The following DCTN1 variants were observed in gnomAD, a reference collection of about 807,000 sequenced individuals.
DCTN1 encodes 150 kDa dynein-associated polypeptide.
Under a neutral mutation model 161.2 loss-of-function variants are expected in DCTN1, and 61 were observed. That is an observed-to-expected ratio of 0.38 (90% CI 0.31 to 0.47). The LOEUF is 0.47. Among genes scored for constraint, DCTN1 ranks in the 20% least tolerant of loss-of-function variants. DCTN1 has a pLI of 0.99. For missense variants in DCTN1, 1,404 were observed against 1,623.7 expected (o/e 0.86, Z 2.33); for synonymous variants, 653 against 632.4 (o/e 1.03, Z -0.49).
Position 74,372,416 on chromosome 2 carries a change from G to A in DCTN1, c.453+512C>T, listed in dbSNP as rs1242247611. On this transcript the variant is annotated intron_variant, in intron 7 of 31. Coordinates refer to ENST00000628224, the MANE Select transcript of DCTN1 (RefSeq NM_004082.5). ...ATGCCCCTGTGGGGCAGGGGAGAAG[G>A]TGGGCAGAGGAGCTGACCTGAAGTT... is the stretch of plus-strand genomic sequence containing the variant. Among the ~76,000 whole-genome samples the A allele has an allele frequency of 2.6e-5, 4 of 152,230 alleles. No individual in the cohort carries two copies. In the East Asian group the frequency reaches 5.8e-4, roughly 22 times the overall value.
chr2:74,382,860 CAGG>C (rs1227916230), upstream of DCTN1, among the ~76,000 whole-genome samples: 4 of 151,690 alleles, frequency 2.6e-5, no homozygotes, highest in South Asian at 4.1e-4. Flanking sequence ...ATCATGAGGT[CAGG>C]AGATCGAGAC....
intron 6 of DCTN1, 93 bp downstream of exon 6, chr2:74,374,230 G>A (rs1273797419): frequency 7.2e-7 from 1 of 1,386,430 alleles, no homozygotes; most frequent in East Asian, 2.3e-5. Context: ...CAGGTAGACA[G>A]ATGAAGTCAA....
Position 74,380,173 on chromosome 2 carries a change from C to T in DCTN1, c.-136G>A. On this transcript the variant is annotated 5_prime_UTR_variant, in exon 1 of 32. Transcript: ENST00000628224. ...GTCGTCAGGCACAGCCCTCCCCAGT[C>T]CATGGGCCTCACTCGGTGGCCTACA... 3.3e-6 allele frequency: 3 copies of T among 915,284 alleles called. No homozygotes were observed. The highest frequency in any genetic ancestry group is 2.4e-4 in the Middle Eastern group (1 of 4,222). The allele number at this position is 915,284 out of a possible 1,614,324, so 56.7% of individuals were successfully genotyped here. A position where few individuals can be genotyped will look rare whatever the true frequency, so the allele number is the denominator to read the frequency against.
intron 25 of DCTN1, 53 bp from the exon 26 acceptor site, chr2:74,365,294 G>T: frequency 6.2e-7 from 1 of 1,607,494 alleles, no homozygotes; most frequent in Non-Finnish European, 8.5e-7. Context: ...AGCACTCCTT[G>T]ACTATTCAGT....
At chr2:74,381,996 GACAC>G (rs1274076158), upstream of DCTN1, among the ~76,000 whole-genome samples, 1 of 152,172 alleles carries the variant, frequency 6.6e-6, no homozygotes, top group Non-Finnish European at 1.5e-5. Flanking sequence ...CTTCCCTGAA[GACAC>G]ACAGACTGTG....
Position 74,361,505 on chromosome 2 carries a change from G to A in DCTN1, c.3831C>T (p.Ile1277=), listed in dbSNP as rs1030107900. 6.2e-7 allele frequency: 1 copy of A among 1,614,160 alleles called. No individual in the cohort carries two copies. Among genetic ancestry groups the A allele is most frequent in the Admixed American group, 1.7e-5 (1 of 60,032 alleles). ...EQLHQLHSRL[I]S ...CAGCAGGGGAAAGGAGTGCTTAGGA[G>A]ATGAGGCGACTGTGAAGCTGGTGCA... Residue 1277 remains isoleucine, a synonymous_variant, in exon 32 of 32, where the codon ATC becomes ATT. Coordinates refer to ENST00000628224, the MANE Select transcript of DCTN1 (RefSeq NM_004082.5).
At chr2:74,372,786 A>AC in intron 7 of DCTN1, 142 bp downstream of exon 7, 1 of 894,576 alleles carries the variant, frequency 1.1e-6, no homozygotes, top group South Asian at 1.4e-5. Context: ...AGCACTGCGA[A>AC]CCCCCACCCT....
At chr2:74,371,836 G>A in intron 7 of DCTN1, 108 bp from the exon 8 acceptor site, 3 of 885,546 alleles carry the variant, frequency 3.4e-6, no homozygotes, top group African/African-American at 1.7e-5. Context: ...ACAGAAAAGG[G>A]AAAAAGCAGA....
chr2:74,377,579 T>C (rs1320478575), intron 3 of DCTN1, 69 bp downstream of exon 3: 8 of 1,516,510 alleles, frequency 5.3e-6, no homozygotes, highest in East Asian at 2.2e-5. Flanking sequence ...TGTGGCCCCA[T>C]GTTATGAGGA....
chr2:74,371,437 T>C, intron 8 of DCTN1, 100 bp downstream of exon 8: 1 of 1,335,856 alleles, frequency 7.5e-7, no homozygotes, highest in South Asian at 1.4e-5. Context: ...CTGATCCAAG[T>C]TCTAGGTCTT....
At chr2:74,388,234 C>T (rs184713400) in intron 1 of DCTN1, among the ~76,000 whole-genome samples, 1 of 151,664 alleles carries the variant, frequency 6.6e-6, no homozygotes, top group Admixed American at 6.6e-5. Flanking sequence ...CTCAAACTGG[C>T]ACAGCAGCCT....
chr2:74,365,781 C>A, intron 24 of DCTN1, 112 bp downstream of exon 24: 1 of 1,611,078 alleles, frequency 6.2e-7, no homozygotes, highest in Non-Finnish European at 8.5e-7. Flanking sequence ...TTGCAGGCCC[C>A]ACTTCTCCCC....
rs375304925 is a variant in DCTN1, at chr2:74,376,831, C to T, written c.394-69G>A. The T allele has an allele frequency of 1.8e-5, 27 of 1,463,720 alleles. 2 individuals are homozygous for T. The highest frequency in any genetic ancestry group is 3.4e-4 in the Middle Eastern group (2 of 5,806). 90.7% of individuals were successfully genotyped at this position (1,463,720 alleles called of 1,614,324 possible). A position where few individuals can be genotyped will look rare whatever the true frequency, so the allele number is the denominator to read the frequency against. On this transcript the variant is annotated intron_variant, in intron 4 of 31. Coordinates refer to ENST00000628224, the MANE Select transcript of DCTN1 (RefSeq NM_004082.5). Reference sequence around the variant, plus strand: ...CTGGGCATAGGTGTTAAGACCAACTCGGGCTTACACAGGTTAGACGCGGGT... The same window carrying T: ...CTGGGCATAGGTGTTAAGACCAACTTGGGCTTACACAGGTTAGACGCGGGT...
At chr2:74,386,066 A>G (rs1220364696) in intron 1 of DCTN1, among the ~76,000 whole-genome samples, 3 of 152,158 alleles carry the variant, frequency 2.0e-5, no homozygotes, top group African/African-American at 7.2e-5. Flanking sequence ...ATGCTGGAAA[A>G]ATCACTCAAG....
intron 1 of DCTN1, chr2:74,391,638 C>A (rs1470388871): frequency 2.7e-6 from 1 of 364,316 alleles, no homozygotes; most frequent in Non-Finnish European, 5.4e-6. Flanking sequence ...GGCCTCGGGG[C>A]AAACGCTCAG....
intron 1 of DCTN1, among the ~76,000 whole-genome samples, chr2:74,390,221 T>C (rs1247354203): frequency 6.6e-6 from 1 of 152,192 alleles, no homozygotes; most frequent in Non-Finnish European, 1.5e-5. Context: ...CAATTCCGCT[T>C]AGAAAAATCA....
chr2:74,371,541 G>C lies in DCTN1; in HGVS notation c.641C>G (p.Ser214Cys). 1.3e-6 allele frequency: 2 copies of C among 1,571,638 alleles called. No homozygotes were observed. The highest frequency in any genetic ancestry group is 1.7e-6 in the Non-Finnish European group (2 of 1,158,666). ...TACCCCTACCCCAGGCCTTACCTTG[G>C]ATGGGGAAGGAAGCGGGGGGACTGC... ...PGAVPPLPSPSKEEEGLRAQV... is the reference protein window; with the variant it reads ...PGAVPPLPSPCKEEEGLRAQV... The change falls in exon 8 of 32, where the codon TCC (serine) becomes TGC (cysteine). Residue 214 changes from serine (S) to cysteine (C), a missense_variant. Ser to Cys is a moderately radical substitution (Grantham distance 112). Coordinates refer to ENST00000628224, the MANE Select transcript of DCTN1 (RefSeq NM_004082.5).
rs772655253 is a variant in DCTN1, at chr2:74,361,576, C to A, written c.3760G>T (p.Ala1254Ser). Residue 1254 changes from alanine to serine, a missense_variant, in exon 32 of 32, where the codon GCT becomes TCT. This residue lies in a region of DCTN1 where 311 missense variants were observed against 298.9 expected (regional missense o/e 1.04). Transcript: ENST00000628224. ...AGCCGGTGTCGCTGTCCAAAACCAG[C>A]CGCACATGAGAAGGTCACTTTGCCC... is the stretch of plus-strand genomic sequence containing the variant. ...YMGKVTFSCA[A>S]GFGQRHRLVL... The A allele has an allele frequency of 2.5e-5, 41 of 1,614,014 alleles. 1 individual carries two copies. In the South Asian group the frequency reaches 3.1e-4, roughly 12 times the overall value.
upstream of DCTN1, among the ~76,000 whole-genome samples, chr2:74,382,916 C>G (rs920577342): frequency 6.7e-6 from 1 of 148,698 alleles, no homozygotes; most frequent in African/African-American, 2.5e-5. Context: ...ACTAAAAATA[C>G]AAAAAAAAAT....
Sources: gnomAD v4.1 joint callset for allele counts (sites outside exome capture counted in the v4.1 genomes callset) on GRCh38, gnomAD v4.1.1 for gene constraint, gnomAD v4.1.1 regional missense constraint, MANE v1.5 for transcripts, NCBI Gene and HGNC (gene_info 2026-07-23, HGNC 2026-07-21) for gene names.